TRIO: variants seen among roughly 807,000 people sequenced by gnomAD.
TRIO encodes triple functional domain protein.
In TRIO, 58 loss-of-function variants were observed where a neutral mutation model predicts 351.9. The ratio of observed to expected loss-of-function variants is 0.16; its 90% CI spans 0.13 to 0.21. TRIO has a LOEUF of 0.21. TRIO is among the 10% of genes least tolerant of loss of function. The probability of loss-of-function intolerance (pLI) is 1.00; values close to 1 mark genes in which losing one functional copy is unlikely to be tolerated. For missense variants in TRIO, 3,201 were observed against 4,027.8 expected (o/e 0.79, Z 5.56); for synonymous variants, 1,758 against 1,595.7 (o/e 1.10, Z -2.42).
chr5:14,165,092 A>G (rs1788688001), intron 1 of TRIO, among the ~76,000 whole-genome samples: 1 of 152,202 alleles, frequency 6.6e-6, no homozygotes, highest in Non-Finnish European at 1.5e-5. Flanking sequence ...TGCCCCTTTA[A>G]GCCTTCCCAG....
intron 44 of TRIO, 127 bp from the exon 45 acceptor site, chr5:14,481,414 A>G (rs1366032728): frequency 1.3e-5 from 19 of 1,468,704 alleles, no homozygotes; most frequent in Non-Finnish European, 1.5e-5. Flanking sequence ...TCTCCAGTGC[A>G]TCTCCATAAG....
intron 1 of TRIO, among the ~76,000 whole-genome samples, chr5:14,150,156 C>T (rs556906922): frequency 1.5e-4 from 23 of 152,302 alleles, no homozygotes; most frequent in African/African-American, 5.5e-4. Flanking sequence ...GTGAATAGAT[C>T]ACAAACTATA....
chr5:14,271,557 T>C lies in TRIO; in HGVS notation c.232+658T>C, dbSNP rs544740797. Among the ~76,000 whole-genome samples, 62 of 152,312 alleles carry C rather than the reference T, an allele frequency of 4.1e-4. 1 individual carries two copies. The highest frequency in any genetic ancestry group is 1.4e-3 in the African/African-American group (58 of 41,580). ...GTCAGCGTTAGGCCGTTTTGGACTGTCTTCTTGGGGCCTCCCTCCCACATA... is the reference window on the plus strand; with the variant it reads ...GTCAGCGTTAGGCCGTTTTGGACTGCCTTCTTGGGGCCTCCCTCCCACATA... On this transcript the variant is annotated intron_variant, in intron 2 of 56. Transcript: ENST00000344204.
intron 8 of TRIO, among the ~76,000 whole-genome samples, chr5:14,309,885 A>G (rs1441594806): frequency 1.3e-5 from 2 of 151,212 alleles, no homozygotes; most frequent in Admixed American, 6.6e-5. Context: ...CATTTTCTCT[A>G]CAATTTTTTT....
At chr5:14,207,318 TCACACA>T (rs371912129) in intron 1 of TRIO, among the ~76,000 whole-genome samples, 318 of 11,002 alleles carry the variant, frequency 0.029, 18 homozygotes, top group East Asian at 0.085. Context: ...AGACTGTCTC[TCACACA>T]CACACACACA....
chr5:14,233,467 G>A (rs1793584948), intron 1 of TRIO, among the ~76,000 whole-genome samples: 1 of 151,914 alleles, frequency 6.6e-6, no homozygotes. Flanking sequence ...TCCAGCCTGG[G>A]TGACAGAATG....
intron 1 of TRIO, among the ~76,000 whole-genome samples, chr5:14,268,177 C>T (rs541329353): frequency 3.3e-5 from 5 of 152,294 alleles, no homozygotes; most frequent in Admixed American, 3.3e-4. Flanking sequence ...GAGTCCATGA[C>T]TCATAGTGGG....
At chr5:14,268,963 A>C (rs1355866366) in intron 1 of TRIO, among the ~76,000 whole-genome samples, 1 of 152,212 alleles carries the variant, frequency 6.6e-6, no homozygotes, top group Non-Finnish European at 1.5e-5. Flanking sequence ...AAGGAACCTG[A>C]GGATGAAATT....
chr5:14,262,552 A>G (rs1053373076), intron 1 of TRIO, among the ~76,000 whole-genome samples: 2 of 152,146 alleles, frequency 1.3e-5, no homozygotes, highest in Admixed American at 6.5e-5. Context: ...GAAACATGCT[A>G]GGGAGAGTGG....
intron 12 of TRIO, 70 bp downstream of exon 12, chr5:14,358,417 C>T: frequency 6.4e-7 from 1 of 1,567,764 alleles, no homozygotes; most frequent in Non-Finnish European, 8.7e-7. Context: ...TCCCCTTTTA[C>T]TCTTGTGAGT....
In TRIO at chr5:14,225,799, C is replaced by CCA. The variant is rs1421976056; in HGVS notation, c.158-45025_158-45024insAC. Among the ~76,000 whole-genome samples the CCA allele has an allele frequency of 4.4e-5, 6 of 135,268 alleles. 1 individual carries two copies. The highest frequency in any genetic ancestry group is 7.0e-5 in the Admixed American group (1 of 14,216). 88.7% of individuals were successfully genotyped at this position (135,268 alleles called of 152,430 possible). On this transcript the variant is annotated intron_variant, in intron 1 of 56. Coordinates refer to ENST00000344204, the MANE Select transcript of TRIO (RefSeq NM_007118.4). ...ATCATATTCACTGCTCCCACCCCCC[C>CCA]CCCCACCTCCAAGCCCAAAAGGATG...
At chr5:14,406,512 G>A (rs1748730329) in intron 32 of TRIO, 61 bp from the exon 33 acceptor site, 1 of 1,521,122 alleles carries the variant, frequency 6.6e-7, no homozygotes, top group African/African-American at 1.4e-5. Flanking sequence ...CAAATCAGTT[G>A]CTTCTCCAGT....
intron 3 of TRIO, among the ~76,000 whole-genome samples, chr5:14,283,639 T>G (rs1326766846): frequency 6.6e-6 from 1 of 152,192 alleles, no homozygotes; most frequent in African/African-American, 2.4e-5. Context: ...CAGATCACAT[T>G]GTTTTCTTCT....
intron 1 of TRIO, among the ~76,000 whole-genome samples, chr5:14,233,840 G>T (rs1206101196): frequency 1.3e-5 from 2 of 152,090 alleles, no homozygotes; most frequent in Admixed American, 6.5e-5. Flanking sequence ...ACCCAGATTA[G>T]AGTGGAGTAG....
chr5:14,491,899 A>C lies in TRIO; in HGVS notation c.7633-668A>C, dbSNP rs548722097. On this transcript the variant is annotated intron_variant, in intron 48 of 56. Coordinates refer to ENST00000344204, the MANE Select transcript of TRIO (RefSeq NM_007118.4). ...GCAGAGCCTTGGGGACACTTGAGTCATGCAAGTTCATAAGAGGGACACCTA... is the reference window on the plus strand; with the variant it reads ...GCAGAGCCTTGGGGACACTTGAGTCCTGCAAGTTCATAAGAGGGACACCTA... 5.3e-5 allele frequency among the ~76,000 whole-genome samples: 8 copies of C among 152,320 alleles called. No homozygotes were observed. The South Asian group carries it at 1.7e-3, about 32-fold the overall frequency.
intron 34 of TRIO, among the ~76,000 whole-genome samples, chr5:14,423,924 AT>A (rs577094390): frequency 0.013 from 1,570 of 118,158 alleles, 23 homozygotes; most frequent in African/African-American, 0.044. Flanking sequence ...ACCCCATGGA[AT>A]TTTTTTTTTT....
intron 1 of TRIO, among the ~76,000 whole-genome samples, chr5:14,176,569 T>G (rs896971274): frequency 6.6e-6 from 1 of 152,148 alleles, no homozygotes; most frequent in South Asian, 2.1e-4. Flanking sequence ...TCCTCCTACC[T>G]CAGCCTCCCG....
At chr5:14,174,581 C>T (rs1012459957) in intron 1 of TRIO, among the ~76,000 whole-genome samples, 4 of 152,194 alleles carry the variant, frequency 2.6e-5, no homozygotes, top group Non-Finnish European at 5.9e-5. Context: ...TCGTCAGGGT[C>T]GTATACAACA....
intron 33 of TRIO, among the ~76,000 whole-genome samples, chr5:14,414,836 C>A (rs1462067787): frequency 1.3e-5 from 2 of 152,152 alleles, no homozygotes; most frequent in African/African-American, 4.8e-5. Context: ...GCCTGTTGTT[C>A]ACGTTAGAAC....
Sources: allele counts gnomAD v4.1 joint callset (sites outside exome capture counted in the v4.1 genomes callset), GRCh38; gene constraint gnomAD v4.1.1; transcripts MANE v1.5; gene names NCBI Gene and HGNC (gene_info 2026-07-23, HGNC 2026-07-21).